GATAD2A: variants seen among roughly 807,000 people sequenced by gnomAD.
The protein encoded by GATAD2A is GATA zinc finger domain containing 2A, also known as transcriptional repressor p66-alpha.
Under a neutral mutation model 68.5 loss-of-function variants are expected in GATAD2A, and 12 were observed. That is an observed-to-expected ratio of 0.18 (90% confidence interval 0.11 to 0.28). GATAD2A has a LOEUF of 0.28. GATAD2A is among the 10% of genes least tolerant of loss of function. The probability of loss-of-function intolerance (pLI) is 1.00; values close to 1 mark genes in which losing one functional copy is unlikely to be tolerated. For synonymous variants in GATAD2A, 410 were observed against 375.3 expected (o/e 1.09, Z -1.07); for missense variants, 755 against 868.5 (o/e 0.87, Z 1.64).
At chr19:19,483,256 G>C (rs2059183253) in intron 2 of GATAD2A, among the ~76,000 whole-genome samples, 1 of 152,202 alleles carries the variant, frequency 6.6e-6, no homozygotes, top group Non-Finnish European at 1.5e-5. Context: ...GAGCTCTTTA[G>C]CCAGCACTGT....
chr19:19,500,717 C>T (rs2060470937), intron 8 of GATAD2A, among the ~76,000 whole-genome samples: 1 of 152,240 alleles, frequency 6.6e-6, no homozygotes, highest in African/African-American at 2.4e-5. Flanking sequence ...CTCTCTTGGC[C>T]TCAGTTTCCT....
At chr19:19,404,821 C>T (rs889419122), upstream of GATAD2A, among the ~76,000 whole-genome samples, 2 of 152,164 alleles carry the variant, frequency 1.3e-5, no homozygotes. Flanking sequence ...GTCTAGGTGT[C>T]TCATCAGGAA....
At chr19:19,391,692 G>A (rs1162162700) in intron 1 of GATAD2A, among the ~76,000 whole-genome samples, 1 of 152,136 alleles carries the variant, frequency 6.6e-6, no homozygotes, top group Non-Finnish European at 1.5e-5. Context: ...AGTTAGAAAT[G>A]ATATTGATCT....
At chr19:19,467,765 T>C (rs1400350496) in intron 2 of GATAD2A, among the ~76,000 whole-genome samples, 2 of 152,234 alleles carry the variant, frequency 1.3e-5, no homozygotes, top group Admixed American at 6.5e-5. Context: ...CCTTTTTCTT[T>C]AGTGGCTGGT....
chr19:19,451,150 G>T (rs531527734), intron 1 of GATAD2A, among the ~76,000 whole-genome samples: 1 of 151,832 alleles, frequency 6.6e-6, no homozygotes, highest in African/African-American at 2.4e-5. Flanking sequence ...TGAGGCAGCC[G>T]GATCATGAGA....
intron 1 of GATAD2A, among the ~76,000 whole-genome samples, chr19:19,455,230 C>G (rs566309825): frequency 6.6e-6 from 1 of 152,146 alleles, no homozygotes; most frequent in Admixed American, 6.5e-5. Flanking sequence ...TGACTCACAC[C>G]TGTAATCCTA....
At chr19:19,404,011 T>A (rs1027734504), upstream of GATAD2A, among the ~76,000 whole-genome samples, 2 of 152,122 alleles carry the variant, frequency 1.3e-5, no homozygotes, top group Non-Finnish European at 1.5e-5. Context: ...TCAGGGAAAG[T>A]GATTGGGAGT....
chr19:19,387,561 C>T (rs936234090), intron 1 of GATAD2A, among the ~76,000 whole-genome samples: 2 of 152,046 alleles, frequency 1.3e-5, no homozygotes, highest in Non-Finnish European at 2.9e-5. Flanking sequence ...TCAGGTGATC[C>T]ACCCGCCTCG....
intron 1 of GATAD2A, among the ~76,000 whole-genome samples, chr19:19,412,809 G>A (rs2051124134): frequency 6.6e-6 from 1 of 152,158 alleles, no homozygotes; most frequent in African/African-American, 2.4e-5. Flanking sequence ...CTTAGAGACG[G>A]CTGCTTGCCC....
At chr19:19,410,317 T>A (rs1410037172) in intron 1 of GATAD2A, among the ~76,000 whole-genome samples, 2 of 40,128 alleles carry the variant, frequency 5.0e-5, no homozygotes, top group African/African-American at 2.0e-4. Flanking sequence ...CAAGTCAAAG[T>A]GGGAGTTCTT....
chr19:19,471,354 CAT>C (rs1263895117), intron 2 of GATAD2A, among the ~76,000 whole-genome samples: 13 of 151,982 alleles, frequency 8.6e-5, no homozygotes, highest in African/African-American at 1.5e-4. Context: ...ATAAACTACT[CAT>C]GTGTGCCATA....
intron 1 of GATAD2A, among the ~76,000 whole-genome samples, chr19:19,462,430 A>T (rs2147978565): frequency 6.6e-6 from 1 of 152,194 alleles, no homozygotes; most frequent in South Asian, 2.1e-4. Flanking sequence ...GTCCTTCCTG[A>T]GGTGGGGGAG....
intron 1 of GATAD2A, among the ~76,000 whole-genome samples, chr19:19,463,551 G>T (rs944584481): frequency 1.3e-5 from 2 of 152,184 alleles, no homozygotes. Flanking sequence ...AGCGGAGGCC[G>T]CACAGTTGGT....
chr19:19,434,913 C>G (rs2054151949), intron 1 of GATAD2A: 1 of 283,132 alleles, frequency 3.5e-6, no homozygotes, highest in African/African-American at 2.2e-5. Context: ...TCCGCTCATT[C>G]CCAGGCACAT....
At chr19:19,445,995 C>G (rs1432027458) in intron 1 of GATAD2A, among the ~76,000 whole-genome samples, 1 of 152,186 alleles carries the variant, frequency 6.6e-6, no homozygotes, top group Non-Finnish European at 1.5e-5. Flanking sequence ...CCTGCCCAGG[C>G]TCATGTGGGA....
Position 19,441,617 on chromosome 19 carries a change from A to C in GATAD2A, c.-6-23723A>C. ...CGCTTTGTCACCTAGGCTGAAGTGCAGTGGCGTGATTTCGGCTCCTTGCAA... is the reference window on the plus strand; with the variant it reads ...CGCTTTGTCACCTAGGCTGAAGTGCCGTGGCGTGATTTCGGCTCCTTGCAA... On this transcript the variant is annotated intron_variant, in intron 1 of 11. Transcript: ENST00000683918. 5 of 168,618 alleles carry C rather than the reference A, an allele frequency of 3.0e-5. 1 individual carries two copies. In the South Asian group the frequency reaches 5.0e-4, roughly 17 times the overall value. 10.4% of individuals were successfully genotyped at this position (168,618 alleles called of 1,614,324 possible). A position where few individuals can be genotyped will look rare whatever the true frequency, so the allele number is the denominator to read the frequency against.
rs185022562 is a variant in GATAD2A, at chr19:19,485,476, G to C, written c.270-6830G>C. 1.5e-3 allele frequency among the ~76,000 whole-genome samples: 235 copies of C among 152,288 alleles called. 1 individual carries two copies. The highest frequency in any genetic ancestry group is 2.3e-3 in the Non-Finnish European group (156 of 68,018). On this transcript the variant is annotated intron_variant, in intron 2 of 11. Transcript: ENST00000683918. ...GCTGGGACTGGCTGGACCAGTCTCT[G>C]TGCCTGTCTCCATCTCCCCCACTAT...
intron 2 of GATAD2A, among the ~76,000 whole-genome samples, chr19:19,471,546 C>T (rs563491470): frequency 6.6e-6 from 1 of 152,250 alleles, no homozygotes; most frequent in South Asian, 2.1e-4. Flanking sequence ...TGATTAACAA[C>T]ACATGGGCAC....
chr19:19,484,659 G>T (rs528913014), intron 2 of GATAD2A, among the ~76,000 whole-genome samples: 1 of 147,628 alleles, frequency 6.8e-6, no homozygotes, highest in Non-Finnish European at 1.5e-5. Context: ...TCAGCCTCCC[G>T]AGTAGCTGGG....
Sources: gnomAD v4.1 joint callset for allele counts (sites outside exome capture counted in the v4.1 genomes callset) on GRCh38, gnomAD v4.1.1 for gene constraint, MANE v1.5 for transcripts, NCBI Gene and HGNC (gene_info 2026-07-23, HGNC 2026-07-21) for gene names.